Variants in TSPEAR observed in about 807,000 individuals in gnomAD.
The protein encoded by TSPEAR is thrombospondin-type laminin G domain and EAR repeat-containing protein.
Under a neutral mutation model 71.6 loss-of-function variants are expected in TSPEAR, and 69 were observed. The ratio of observed to expected loss-of-function variants is 0.96; its 90% CI spans 0.79 to 1.18. TSPEAR has a LOEUF of 1.18. TSPEAR is among the 50% of genes most tolerant of loss of function. The pLI, the probability that TSPEAR is intolerant of heterozygous loss-of-function variation, is 0.00. For missense variants in TSPEAR, 971 were observed against 894.9 expected, an observed-to-expected ratio of 1.09 and a Z score of -1.09; for synonymous variants, 402 against 387.2, an observed-to-expected ratio of 1.04 and a Z score of -0.45.
intron 1 of TSPEAR, among the ~76,000 whole-genome samples, chr21:44,625,436 AATTT>A (rs1472423543): frequency 2.0e-5 from 3 of 152,100 alleles, no homozygotes; most frequent in East Asian, 1.9e-4. Context: ...CTACAAAAAA[AATTT>A]TTTTTTACAA....
chr21:44,570,093 G>A (rs587711746), intron 1 of TSPEAR, among the ~76,000 whole-genome samples: 1 of 152,278 alleles, frequency 6.6e-6, no homozygotes, highest in Non-Finnish European at 1.5e-5. Flanking sequence ...AGCACGACCA[G>A]GGGCCACCTC....
rs1166117244 is a variant in TSPEAR, at chr21:44,574,225, G to A, written c.83-6220C>T. The A allele has an allele frequency of 1.0e-5, 16 of 1,604,426 alleles. No individual in the cohort carries two copies. Among genetic ancestry groups the A allele is most frequent in the Non-Finnish European group, 1.1e-5 (13 of 1,174,800 alleles). On this transcript the variant is annotated intron_variant, in intron 1 of 11. Transcript: ENST00000323084. ...TCCTCCCCCTGCCAGCAGGCCTGCT[G>A]TGTGCCCATCTGCTGCAAGCCTGTC...
intron 1 of TSPEAR, chr21:44,654,178 A>C: frequency 1.0e-6 from 1 of 985,262 alleles, no homozygotes; most frequent in Non-Finnish European, 1.6e-6. Context: ...AGGTGACGAC[A>C]GTTTGCTGTG....
chr21:44,693,483 C>T (rs1322464777), intron 1 of TSPEAR, among the ~76,000 whole-genome samples: 1 of 152,092 alleles, frequency 6.6e-6, no homozygotes, highest in Non-Finnish European at 1.5e-5. Flanking sequence ...AACAAAAAGA[C>T]AACCCAACTA....
At chr21:44,641,962 G>A (rs1048019578) in intron 1 of TSPEAR, among the ~76,000 whole-genome samples, 2 of 151,802 alleles carry the variant, frequency 1.3e-5, no homozygotes, top group Non-Finnish European at 2.9e-5. Flanking sequence ...CTTTTCAAAC[G>A]TCCACAAAAA....
At chr21:44,529,183 C>G (rs138517441) in intron 5 of TSPEAR, among the ~76,000 whole-genome samples, 3,029 of 152,330 alleles carry the variant, frequency 0.02, 42 homozygotes, top group Non-Finnish European at 0.029. Flanking sequence ...CGGCTGTTCT[C>G]CACCTCACTG....
chr21:44,698,554 G>A (rs549550633), intron 1 of TSPEAR, among the ~76,000 whole-genome samples: 4 of 152,144 alleles, frequency 2.6e-5, no homozygotes, highest in Admixed American at 1.3e-4. Context: ...GGGGTCACTC[G>A]CAGGCACAGC....
intron 1 of TSPEAR, among the ~76,000 whole-genome samples, chr21:44,662,802 C>G (rs1985564846): frequency 6.6e-6 from 1 of 152,036 alleles, no homozygotes; most frequent in South Asian, 2.1e-4. Context: ...GACATTAACA[C>G]CAAAAGGATA....
chr21:44,503,739 A>G (rs2052109577), intron 11 of TSPEAR, among the ~76,000 whole-genome samples: 1 of 104,016 alleles, frequency 9.6e-6, no homozygotes, highest in African/African-American at 4.2e-5. Context: ...AGGCTCTGGG[A>G]GGAGGCCGGA....
chr21:44,608,442 G>C (rs1388924650), intron 1 of TSPEAR, among the ~76,000 whole-genome samples: 1 of 152,106 alleles, frequency 6.6e-6, no homozygotes, highest in Admixed American at 6.5e-5. Flanking sequence ...AACCAATTGG[G>C]ACTTTTGTTT....
chr21:44,698,024 C>A, intron 1 of TSPEAR: 1 of 1,483,660 alleles, frequency 6.7e-7, no homozygotes, highest in Non-Finnish European at 9.1e-7. Context: ...ACCTCTCCCA[C>A]TACTGGCCCC....
At chr21:44,664,450 C>A (rs1417098494) in intron 1 of TSPEAR, among the ~76,000 whole-genome samples, 2 of 152,110 alleles carry the variant, frequency 1.3e-5, no homozygotes, top group South Asian at 2.1e-4. Context: ...AATAAATAGA[C>A]CATGTTATGG....
intron 1 of TSPEAR, among the ~76,000 whole-genome samples, chr21:44,680,973 G>A (rs1389263122): frequency 2.0e-5 from 3 of 152,178 alleles, no homozygotes; most frequent in Admixed American, 2.0e-4. Context: ...AGTTAACAAT[G>A]TATTGTATGT....
intron 1 of TSPEAR, among the ~76,000 whole-genome samples, chr21:44,572,375 C>T (rs2053814620): frequency 6.6e-6 from 1 of 152,182 alleles, no homozygotes; most frequent in Admixed American, 6.5e-5. Context: ...GAGCTGGGAA[C>T]CAACCTGCGG....
At chr21:44,684,471 C>A (rs1806341670) in intron 1 of TSPEAR, among the ~76,000 whole-genome samples, 1 of 152,222 alleles carries the variant, frequency 6.6e-6, no homozygotes, top group African/African-American at 2.4e-5. Flanking sequence ...GAGTTCGAAG[C>A]TGCAGTGAGC....
intron 9 of TSPEAR, chr21:44,517,661 T>C: frequency 2.3e-6 from 1 of 430,574 alleles, no homozygotes; most frequent in Admixed American, 2.6e-5. Flanking sequence ...ACTAACCCAA[T>C]ATGGCAGGAA....
intron 1 of TSPEAR, among the ~76,000 whole-genome samples, chr21:44,680,477 C>T (rs6518198): frequency 0.67 from 101,816 of 152,102 alleles, 34,469 homozygotes; most frequent in African/African-American, 0.76. Context: ...TTATCAAAAA[C>T]GGTATACAGA....
At chr21:44,517,837 T>A (rs183543214) in intron 9 of TSPEAR, 1 of 471,242 alleles carries the variant, frequency 2.1e-6, no homozygotes, top group Admixed American at 2.3e-5. Flanking sequence ...GCTTTGAAGG[T>A]AACTTTCCTT....
At chr21:44,680,052 T>G (rs1555947676) in intron 1 of TSPEAR, among the ~76,000 whole-genome samples, 3 of 152,042 alleles carry the variant, frequency 2.0e-5, no homozygotes, top group African/African-American at 7.2e-5. Context: ...TATATTAAAC[T>G]GAAAAGCTCT....
Sources: gnomAD v4.1 joint callset for allele counts (sites outside exome capture counted in the v4.1 genomes callset) on GRCh38, gnomAD v4.1.1 for gene constraint, MANE v1.5 for transcripts, NCBI Gene and HGNC (gene_info 2026-07-23, HGNC 2026-07-21) for gene names.